MFAP2: variants seen among roughly 807,000 people sequenced by gnomAD.
The protein encoded by MFAP2 is microfibrillar-associated protein 2.
MFAP2 carries 23 observed loss-of-function variants against 30.6 expected under a neutral mutation model. That is an observed-to-expected ratio of 0.75 (90% CI 0.54 to 1.07). The LOEUF is 1.07. Among genes scored for constraint, MFAP2 ranks in the 50% least tolerant of loss-of-function variants. The pLI is 0.00. For synonymous variants in MFAP2, 73 were observed against 85.7 expected, an observed-to-expected ratio of 0.85 and a Z score of 0.82; for missense variants, 198 against 223.8, an observed-to-expected ratio of 0.88 and a Z score of 0.74.
chr1:16,980,548 C>T (rs1268007589), intron 1 of MFAP2, 39 bp downstream of exon 1: 1 of 152,146 alleles, frequency 6.6e-6, no homozygotes, highest in East Asian at 2.0e-4. Flanking sequence ...ACGCCCCTGA[C>T]CGCCCCCCGG....
intron 2 of MFAP2, 59 bp from the exon 3 acceptor site, chr1:16,977,257 C>T (rs371185868): frequency 3.6e-5 from 56 of 1,559,740 alleles, no homozygotes; most frequent in African/African-American, 1.1e-4. Flanking sequence ...GGGCCCGAGG[C>T]GCTTCTGGAG....
chr1:16,975,650 A>C lies in MFAP2; in HGVS notation c.367T>G (p.Phe123Val). The C allele has an allele frequency of 1.2e-6, 2 of 1,614,026 alleles. No individual in the cohort carries two copies. The highest frequency in any genetic ancestry group is 1.7e-6 in the Non-Finnish European group (2 of 1,179,952). ...PCKQCLNEVC[F>V]YSLRRVYVIN... ...CTGCCCATCTGTGCTCACCTGTAGAAGCAGACCTCGTTGAGACACTGTTTG... is the reference window on the plus strand; with the variant it reads ...CTGCCCATCTGTGCTCACCTGTAGACGCAGACCTCGTTGAGACACTGTTTG... The change falls in exon 7 of 9, where the codon TTC becomes GTC. Residue 123 changes from phenylalanine to valine, a missense_variant. By Grantham distance (50) the Phe-to-Val change is conservative (BLOSUM62 -1). Transcript: ENST00000375535. This position sits in a 1 kb window ranked among gnomAD's most constrained non-coding sequence, Gnocchi z 5.0.
chr1:16,978,603 G>A (rs138932751), intron 1 of MFAP2, among the ~76,000 whole-genome samples: 2 of 152,284 alleles, frequency 1.3e-5, no homozygotes, highest in East Asian at 1.9e-4. Context: ...TGCTCACTAA[G>A]GGGACATTCC....
chr1:16,979,771 G>A (rs1347390742), intron 1 of MFAP2, among the ~76,000 whole-genome samples: 1 of 152,236 alleles, frequency 6.6e-6, no homozygotes, highest in Non-Finnish European at 1.5e-5. Flanking sequence ...GTACCCTGCG[G>A]GGAGTCTTCC....
In MFAP2 at chr1:16,975,295, A is replaced by T; in HGVS notation, c.422T>A (p.Val141Glu). ...VINKEICVRT[V>E]CAHEELLRAD... ...TCGGAGGAGCTCCTCATGGGCACAC[A>T]CTGTACGAACACAGATCTCCTTGTT... Residue 141 changes from valine to glutamate, a missense_variant, in exon 8 of 9, where the codon GTG becomes GAG. Coordinates refer to ENST00000375535, the MANE Select transcript of MFAP2 (RefSeq NM_002403.4). The surrounding 1 kb of genome is among the most constrained non-coding windows in gnomAD (Gnocchi z 5.0). 2 of 1,613,968 alleles carry T rather than the reference A, an allele frequency of 1.2e-6. No individual in the cohort carries two copies. Among genetic ancestry groups the T allele is most frequent in the Non-Finnish European group, 1.7e-6 (2 of 1,179,912 alleles).
At position 16,976,871 on chromosome 1, in the gene MFAP2, G is replaced by GTCCTA. The variant is rs1557655039; in HGVS notation, c.154+21_154+25dup. On this transcript the variant is annotated intron_variant, in intron 4 of 8. Transcript: ENST00000375535. The surrounding 1 kb of genome is among the most constrained non-coding windows in gnomAD (Gnocchi z 5.5). ...GTCTCCCCACCCCAGCTGCCGGCCC[G>GTCCTA]TCCTATCCTACCCCTAGCCCGTTAC... is the stretch of plus-strand genomic sequence containing the variant. The GTCCTA allele has an allele frequency of 6.2e-7, 1 of 1,614,114 alleles. No individual in the cohort carries two copies.
Position 16,975,564 on chromosome 1 carries a change from G to C in MFAP2, c.374+79C>G. On this transcript the variant is annotated intron_variant, in intron 7 of 8. Transcript: ENST00000375535. This position sits in a 1 kb window ranked among gnomAD's most constrained non-coding sequence, Gnocchi z 5.0. ...CTATCTTTCCTCCAACTCCCACCTTGGCGGGCCAGAGCTGTCCCCTGTGCC... is the reference window on the plus strand; with the variant it reads ...CTATCTTTCCTCCAACTCCCACCTTCGCGGGCCAGAGCTGTCCCCTGTGCC... The C allele has an allele frequency of 6.9e-7, 1 of 1,451,982 alleles. No individual in the cohort carries two copies. The allele number at this position is 1,451,982 out of a possible 1,614,324, so 89.9% of individuals were successfully genotyped here. A position where few individuals can be genotyped will look rare whatever the true frequency, so the allele number is the denominator to read the frequency against.
At chr1:16,977,380 A>G (rs1021327964) in intron 2 of MFAP2, 182 bp from the exon 3 acceptor site, 28 of 620,052 alleles carry the variant, frequency 4.5e-5, no homozygotes, top group Admixed American at 5.9e-5. Flanking sequence ...CACCCTGGTC[A>G]TGGGTCACCT....
At chr1:16,981,423 TC>T (rs1048124770), upstream of MFAP2, among the ~76,000 whole-genome samples, 11 of 151,448 alleles carry the variant, frequency 7.3e-5, no homozygotes, top group Non-Finnish European at 1.3e-4. Context: ...GGATTCCCAG[TC>T]CCCCCTTGGC....
At chr1:16,981,423 T>A (rs2076637370), upstream of MFAP2, among the ~76,000 whole-genome samples, 1 of 151,448 alleles carries the variant, frequency 6.6e-6, no homozygotes, top group African/African-American at 2.4e-5. Flanking sequence ...GGATTCCCAG[T>A]CCCCCCTTGG....
intron 1 of MFAP2, among the ~76,000 whole-genome samples, 156 bp from the exon 2 acceptor site, chr1:16,978,470 G>C (rs2076611616): frequency 6.6e-6 from 1 of 152,112 alleles, no homozygotes; most frequent in East Asian, 1.9e-4. Context: ...GTCCCTGCTG[G>C]CCCACCCAGG....
rs1163329244 is a variant in MFAP2, at chr1:16,978,286, G to C, written c.-13C>G. 3.8e-6 allele frequency: 6 copies of C among 1,573,470 alleles called. No individual in the cohort carries two copies. In the African/African-American group the frequency reaches 8.0e-5, roughly 21 times the overall value. Reference sequence around the variant, plus strand: ...AGGCAGCTCTCATGGCAACAAAGAGGCAGGCCGGGGTGGTGTCAGAGAGGA... The same window carrying C: ...AGGCAGCTCTCATGGCAACAAAGAGCCAGGCCGGGGTGGTGTCAGAGAGGA... On this transcript the variant is annotated 5_prime_UTR_variant, in exon 2 of 9. Transcript: ENST00000375535.
Position 16,976,257 on chromosome 1 carries a change from G to C in MFAP2, c.286+244C>G. 1.7e-6 allele frequency: 1 copy of C among 598,008 alleles called. No individual in the cohort carries two copies. The highest frequency in any genetic ancestry group is 2.0e-5 in the South Asian group (1 of 50,422). The allele number at this position is 598,008 out of a possible 1,614,324, so 37.0% of individuals were successfully genotyped here. On this transcript the variant is annotated intron_variant, in intron 6 of 8. Coordinates refer to ENST00000375535, the MANE Select transcript of MFAP2 (RefSeq NM_002403.4). This position sits in a 1 kb window ranked among gnomAD's most constrained non-coding sequence, Gnocchi z 5.5. Reference sequence around the variant, plus strand: ...ACACTCCCTGCCCCTCCCAGTATCTGTGAGGTCAGGGGCCTTCCTAGGCTG... The same window carrying C: ...ACACTCCCTGCCCCTCCCAGTATCTCTGAGGTCAGGGGCCTTCCTAGGCTG...
intron 3 of MFAP2, 26 bp downstream of exon 3, chr1:16,977,083 C>G: frequency 6.2e-7 from 1 of 1,613,460 alleles, no homozygotes; most frequent in African/African-American, 1.3e-5. Flanking sequence ...AGCAGCCAGG[C>G]CTCGGTGACC....
chr1:16,976,440 C>T lies in MFAP2; in HGVS notation c.286+61G>A. On this transcript the variant is annotated intron_variant, in intron 6 of 8. Coordinates refer to ENST00000375535, the MANE Select transcript of MFAP2 (RefSeq NM_002403.4). This position sits in a 1 kb window ranked among gnomAD's most constrained non-coding sequence, Gnocchi z 5.5. ...GACCTCCAGCCCACCAGCACCACCC[C>T]CTACTCCACCCCAACTTCAGGGCGT... The T allele has an allele frequency of 6.2e-7, 1 of 1,607,716 alleles. No homozygotes were observed. Among genetic ancestry groups the T allele is most frequent in the Non-Finnish European group, 8.5e-7 (1 of 1,174,176 alleles).
intron 3 of MFAP2, 83 bp downstream of exon 3, chr1:16,977,026 C>T: frequency 6.2e-7 from 1 of 1,612,190 alleles, no homozygotes; most frequent in Non-Finnish European, 8.5e-7. Context: ...CCCCAGAGTT[C>T]CCATCAGCGT....
chr1:16,975,593 T>TG lies in MFAP2; in HGVS notation c.374+49_374+50insC, dbSNP rs1187674754. On this transcript the variant is annotated intron_variant, in intron 7 of 8. Transcript: ENST00000375535. This position sits in a 1 kb window ranked among gnomAD's most constrained non-coding sequence, Gnocchi z 5.0. ...GGCCAGAGCTGTCCCCTGTGCCCTC[T>TG]AGCCCCCCATGCTCCGGAATCCTCC... The TG allele has an allele frequency of 6.3e-7, 1 of 1,580,506 alleles. No individual in the cohort carries two copies. Among genetic ancestry groups the TG allele is most frequent in the Admixed American group, 1.7e-5 (1 of 58,922 alleles).
At position 16,976,163 on chromosome 1, in the gene MFAP2, A is replaced by G. The variant is rs1157153381; in HGVS notation, c.286+338T>C. ...GGAGGGCACCGCTCAGCCAGCCTGC[A>G]CTCCCTGGCCCTTCCTCGCCTCCAC... On this transcript the variant is annotated intron_variant, in intron 6 of 8. Coordinates refer to ENST00000375535, the MANE Select transcript of MFAP2 (RefSeq NM_002403.4). The surrounding 1 kb of genome is among the most constrained non-coding windows in gnomAD (Gnocchi z 5.5). The G allele has an allele frequency of 9.7e-6, 5 of 515,826 alleles. No individual in the cohort carries two copies. The highest frequency in any genetic ancestry group is 1.8e-5 in the Non-Finnish European group (5 of 285,310). The allele number at this position is 515,826 out of a possible 1,614,324, so 32.0% of individuals were successfully genotyped here. A position where few individuals can be genotyped will look rare whatever the true frequency, so the allele number is the denominator to read the frequency against.
upstream of MFAP2, chr1:16,980,769 T>TGG (rs60284130): frequency 8.7e-5 from 13 of 148,718 alleles, no homozygotes; most frequent in African/African-American, 3.0e-4. Flanking sequence ...TTCCATCTCC[T>TGG]GGGGGGGGGG....
Sources: gnomAD v4.1 joint callset for allele counts (sites outside exome capture counted in the v4.1 genomes callset) on GRCh38, gnomAD v4.1.1 for gene constraint, Gnocchi (gnomAD v3.1) non-coding constraint, MANE v1.5 for transcripts, NCBI Gene and HGNC (gene_info 2026-07-23, HGNC 2026-07-21) for gene names.